The following NPIPB2 variants were observed in gnomAD, a reference collection of about 807,000 sequenced individuals.
NPIPB2 encodes the protein nuclear pore complex-interacting protein family member B2.
A neutral mutation model predicts 30.8 loss-of-function variants in NPIPB2; 27 were observed. The ratio of observed to expected loss-of-function variants is 0.88; its 90% CI spans 0.65 to 1.21. The LOEUF is 1.21. Among genes scored for constraint, NPIPB2 ranks in the 50% most tolerant of loss-of-function variants. The pLI, the probability that NPIPB2 is intolerant of heterozygous loss-of-function variation, is 0.00. For synonymous variants in NPIPB2, 147 were observed against 162.0 expected (o/e 0.91, Z 0.70); for missense variants, 440 against 446.2 (o/e 0.99, Z 0.13).
chr16:11,927,709 G>C (rs752210722), exon 8 of NPIPB2: 1 of 1,598,490 alleles, frequency 6.3e-7, no homozygotes, highest in African/African-American at 1.3e-5. Context: ...GAAGGGGAGT[G>C]AGCAGACACT....
intron 1 of NPIPB2, among the ~76,000 whole-genome samples, chr16:11,951,765 C>T (rs1372875433): frequency 2.0e-5 from 3 of 151,666 alleles, no homozygotes; most frequent in Admixed American, 6.6e-5. Flanking sequence ...CGGTGGCTCA[C>T]GCCTGTAATC....
upstream of NPIPB2, among the ~76,000 whole-genome samples, chr16:11,945,777 C>A (rs2055001277): frequency 6.6e-6 from 1 of 151,874 alleles, no homozygotes; most frequent in Admixed American, 6.6e-5. Flanking sequence ...GACAGCTGTG[C>A]CCTCTCCTCC....
chr16:11,949,109 A>C (rs1201479424), intron 1 of NPIPB2, among the ~76,000 whole-genome samples: 6 of 151,942 alleles, frequency 3.9e-5, no homozygotes, highest in Non-Finnish European at 8.8e-5. Context: ...TGATGCTGTG[A>C]TCGGGCCACT....
chr16:11,937,245 T>G (rs926694685), intron 2 of NPIPB2, among the ~76,000 whole-genome samples: 16 of 152,328 alleles, frequency 1.1e-4, no homozygotes, highest in Non-Finnish European at 1.3e-4. Flanking sequence ...AGAAAGAATT[T>G]CCTATTTAAG....
chr16:11,975,141 C>CTTTTTTTTTTTT, intron 1 of NPIPB2, among the ~76,000 whole-genome samples: 2 of 37,508 alleles, frequency 5.3e-5, no homozygotes, highest in Non-Finnish European at 4.3e-5. Flanking sequence ...AATCCATCAC[C>CTTTTTTTTTTTT]TTTTTTTTTT....
chr16:11,973,042 C>T (rs1403324147), intron 1 of NPIPB2, among the ~76,000 whole-genome samples: 1 of 151,726 alleles, frequency 6.6e-6, no homozygotes, highest in African/African-American at 2.4e-5. Context: ...TGCCTGTAAT[C>T]CCAGCTACTC....
At chr16:11,935,969 A>G (rs1212924148) in intron 2 of NPIPB2, among the ~76,000 whole-genome samples, 1 of 133,830 alleles carries the variant, frequency 7.5e-6, no homozygotes, top group Non-Finnish European at 1.6e-5. Context: ...CAACAGCTCA[A>G]CTGAACTTTC....
chr16:11,973,205 T>C (rs2055246801), intron 1 of NPIPB2, among the ~76,000 whole-genome samples: 1 of 151,142 alleles, frequency 6.6e-6, no homozygotes. Flanking sequence ...TATCAGTAAT[T>C]CTAAAAGGGA....
At chr16:11,975,382 C>CAG (rs2055276501) in intron 1 of NPIPB2, among the ~76,000 whole-genome samples, 2 of 150,370 alleles carry the variant, frequency 1.3e-5, no homozygotes, top group East Asian at 2.0e-4. Context: ...CTCCTGACCT[C>CAG]GTGATCCGCC....
intron 1 of NPIPB2, among the ~76,000 whole-genome samples, chr16:11,970,599 G>T (rs1288177468): frequency 1.3e-5 from 2 of 151,598 alleles, no homozygotes; most frequent in Non-Finnish European, 2.9e-5. Context: ...GCAGTGGTAC[G>T]ATCTTGGCTC....
intron 1 of NPIPB2, among the ~76,000 whole-genome samples, chr16:11,973,365 AT>A (rs1319959900): frequency 1.3e-5 from 2 of 152,038 alleles, no homozygotes; most frequent in Non-Finnish European, 2.9e-5. Flanking sequence ...TATAGCCATG[AT>A]TTCCATAGCT....
intron 1 of NPIPB2, among the ~76,000 whole-genome samples, chr16:11,966,699 A>G (rs2055196913): frequency 6.6e-6 from 1 of 152,216 alleles, no homozygotes. Flanking sequence ...CAGGAAAAGC[A>G]TATTTGTCAA....
At chr16:11,954,090 A>T (rs1393503478) in intron 1 of NPIPB2, among the ~76,000 whole-genome samples, 1 of 151,054 alleles carries the variant, frequency 6.6e-6, no homozygotes, top group African/African-American at 2.5e-5. Flanking sequence ...CATTTTGGTT[A>T]TTTCCAATTT....
At chr16:11,951,423 C>T (rs2055060685) in intron 1 of NPIPB2, among the ~76,000 whole-genome samples, 1 of 132,984 alleles carries the variant, frequency 7.5e-6, no homozygotes, top group Non-Finnish European at 1.5e-5. Flanking sequence ...GAGATCATGC[C>T]ACTGCACTCC....
chr16:11,964,582 T>C (rs763421107), intron 1 of NPIPB2, among the ~76,000 whole-genome samples: 60 of 152,088 alleles, frequency 3.9e-4, no homozygotes, highest in Admixed American at 7.2e-4. Context: ...GCCTGACTAA[T>C]TTTTGTATTT....
intron 1 of NPIPB2, among the ~76,000 whole-genome samples, chr16:11,970,175 C>A (rs1184042240): frequency 6.6e-6 from 1 of 151,508 alleles, no homozygotes; most frequent in Non-Finnish European, 1.5e-5. Context: ...ATGGTGAAAA[C>A]CTGTCTTGTC....
At chr16:11,934,845 G>C (rs1431118294) in intron 2 of NPIPB2, among the ~76,000 whole-genome samples, 1 of 111,404 alleles carries the variant, frequency 9.0e-6, no homozygotes, top group African/African-American at 2.9e-5. Flanking sequence ...GTGACAGAGT[G>C]AGACTCTGTC....
intron 1 of NPIPB2, chr16:11,965,453 A>T: frequency 6.2e-7 from 1 of 1,613,990 alleles, no homozygotes; most frequent in Non-Finnish European, 8.5e-7. Context: ...ATTGTAATGC[A>T]AGTAAGTAAT....
upstream of NPIPB2, among the ~76,000 whole-genome samples, chr16:11,943,862 G>C (rs2054971383): frequency 6.6e-6 from 1 of 151,308 alleles, no homozygotes; most frequent in African/African-American, 2.4e-5. Flanking sequence ...GCTGGCCGTG[G>C]TGGCGGGCGC....
Sources: allele counts gnomAD v4.1 joint callset (sites outside exome capture counted in the v4.1 genomes callset), GRCh38; gene constraint gnomAD v4.1.1; transcripts MANE v1.5; gene names NCBI Gene and HGNC (gene_info 2026-07-23, HGNC 2026-07-21).